DCC: variants seen among roughly 807,000 people sequenced by gnomAD.
DCC encodes DCC netrin 1 receptor, also known as netrin receptor DCC.
Under a neutral mutation model 172.5 loss-of-function variants are expected in DCC, and 58 were observed. The observed-to-expected ratio is 0.34, with a 90% CI of 0.27 to 0.42. DCC has a LOEUF of 0.42. DCC is among the 10% of genes least tolerant of loss of function. The pLI is 1.00. For missense variants in DCC, 1,740 were observed against 1,791.0 expected (o/e 0.97, Z 0.51); for synonymous variants, 709 against 644.5 (o/e 1.10, Z -1.52).
At chr18:52,519,038 G>C (rs572308229) in intron 1 of DCC, among the ~76,000 whole-genome samples, 1 of 152,274 alleles carries the variant, frequency 6.6e-6, no homozygotes, top group Admixed American at 6.5e-5. Context: ...GCTAATTATA[G>C]TTTTGGATAA....
At chr18:52,846,621 A>G (rs1316213858) in intron 2 of DCC, among the ~76,000 whole-genome samples, 1 of 115,630 alleles carries the variant, frequency 8.6e-6, no homozygotes, top group African/African-American at 3.0e-5. Flanking sequence ...ACACACACAC[A>G]CACACACACA....
chr18:53,508,009 T>C (rs2046203625), intron 27 of DCC, among the ~76,000 whole-genome samples: 1 of 24,514 alleles, frequency 4.1e-5, no homozygotes, highest in Non-Finnish European at 8.0e-5. Flanking sequence ...TTCTCCTGCC[T>C]CAGCCTCCCG....
chr18:52,660,580 C>T (rs942658198), intron 1 of DCC, among the ~76,000 whole-genome samples: 8 of 152,154 alleles, frequency 5.3e-5, no homozygotes, highest in Non-Finnish European at 1.5e-5. Context: ...ACTGAGACTG[C>T]AGTCACAAAC....
At chr18:52,544,935 T>C (rs1452043565) in intron 1 of DCC, among the ~76,000 whole-genome samples, 2 of 152,216 alleles carry the variant, frequency 1.3e-5, no homozygotes, top group African/African-American at 4.8e-5. Flanking sequence ...AATACTGCAC[T>C]GTATTATGCC....
At chr18:53,406,146 G>A (rs901817435) in intron 19 of DCC, among the ~76,000 whole-genome samples, 2 of 152,148 alleles carry the variant, frequency 1.3e-5, no homozygotes, top group Non-Finnish European at 2.9e-5. Context: ...GTCTTTCAGA[G>A]ATTGTTTCCT....
chr18:53,181,902 T>C (rs1312143015), intron 9 of DCC, among the ~76,000 whole-genome samples: 2 of 152,210 alleles, frequency 1.3e-5, no homozygotes, highest in Non-Finnish European at 2.9e-5. Context: ...GGCTGCAGCA[T>C]ATTACCTAGT....
intron 5 of DCC, among the ~76,000 whole-genome samples, chr18:52,992,380 C>G (rs1354430294): frequency 2.6e-5 from 4 of 152,156 alleles, no homozygotes; most frequent in Non-Finnish European, 5.9e-5. Context: ...GTCTCATCCT[C>G]TAGAAGTGCT....
At chr18:53,045,279 A>G (rs2042222074) in intron 5 of DCC, among the ~76,000 whole-genome samples, 1 of 151,912 alleles carries the variant, frequency 6.6e-6, no homozygotes, top group Non-Finnish European at 1.5e-5. Flanking sequence ...ATGAGATTTT[A>G]AGCATAAGAG....
At position 52,648,586 on chromosome 18, in the gene DCC, TAA is replaced by T. The variant is rs1282458544; in HGVS notation, c.92-103467_92-103466del. On this transcript the variant is annotated intron_variant, in intron 1 of 28. Coordinates refer to ENST00000442544, the MANE Select transcript of DCC (RefSeq NM_005215.4). ...AGCCAGAGAAAAAGGACATCAGTCC[TAA>T]GACTGTTAGTGGCTGTGCCAAAATC... Among the ~76,000 whole-genome samples the T allele has an allele frequency of 3.3e-5, 5 of 152,352 alleles. No individual in the cohort carries two copies. In the South Asian group the frequency reaches 8.3e-4, roughly 25 times the overall value.
chr18:52,834,031 T>C (rs879467246), intron 2 of DCC, among the ~76,000 whole-genome samples: 1 of 152,116 alleles, frequency 6.6e-6, no homozygotes, highest in African/African-American at 2.4e-5. Flanking sequence ...CTTGGGTACA[T>C]ACACAGCAGC....
At chr18:52,821,291 A>G (rs2038403076) in intron 2 of DCC, among the ~76,000 whole-genome samples, 1 of 152,034 alleles carries the variant, frequency 6.6e-6, no homozygotes, top group Admixed American at 6.6e-5. Context: ...TACATTCCAC[A>G]TGCCCTCCCC....
intron 7 of DCC, among the ~76,000 whole-genome samples, chr18:53,123,285 T>C (rs968872092): frequency 1.7e-4 from 26 of 151,856 alleles, no homozygotes; most frequent in African/African-American, 6.0e-4. Flanking sequence ...CTGGGCGAAG[T>C]TGGGGGATGG....
chr18:53,316,756 T>C (rs751848065), intron 13 of DCC, among the ~76,000 whole-genome samples: 15 of 151,376 alleles, frequency 9.9e-5, no homozygotes, highest in Non-Finnish European at 2.1e-4. Context: ...TAGGCTATTA[T>C]CGGTGTATAG....
intron 5 of DCC, among the ~76,000 whole-genome samples, chr18:52,928,468 C>T (rs192459879): frequency 1.6e-4 from 25 of 152,152 alleles, no homozygotes; most frequent in African/African-American, 5.1e-4. Flanking sequence ...CATAAATTAA[C>T]GTAATATAAT....
intron 7 of DCC, among the ~76,000 whole-genome samples, chr18:53,068,608 C>T (rs2042607412): frequency 6.6e-6 from 1 of 151,974 alleles, no homozygotes; most frequent in South Asian, 2.1e-4. Context: ...ATGTATCCTC[C>T]TAGCACTTGG....
intron 2 of DCC, among the ~76,000 whole-genome samples, chr18:52,887,365 T>G (rs914289889): frequency 6.6e-6 from 1 of 152,142 alleles, no homozygotes; most frequent in Non-Finnish European, 1.5e-5. Flanking sequence ...CCAAACATAT[T>G]ATTTTCTATC....
At chr18:52,849,927 T>C (rs2038949518) in intron 2 of DCC, among the ~76,000 whole-genome samples, 1 of 152,144 alleles carries the variant, frequency 6.6e-6, no homozygotes, top group African/African-American at 2.4e-5. Flanking sequence ...TAATGTCTTA[T>C]AAGCCACGAC....
intron 5 of DCC, among the ~76,000 whole-genome samples, chr18:53,011,874 C>T (rs983326335): frequency 2.6e-5 from 4 of 151,524 alleles, no homozygotes; most frequent in Non-Finnish European, 4.4e-5. Context: ...TAAGCTATAA[C>T]TTTATAAATA....
At chr18:52,788,191 C>T (rs531142478) in intron 2 of DCC, among the ~76,000 whole-genome samples, 3 of 152,200 alleles carry the variant, frequency 2.0e-5, no homozygotes, top group Non-Finnish European at 4.4e-5. Context: ...GATAATCCCT[C>T]ATCCCTGGGC....
Sources: gnomAD v4.1 joint callset for allele counts (sites outside exome capture counted in the v4.1 genomes callset) on GRCh38, gnomAD v4.1.1 for gene constraint, MANE v1.5 for transcripts, NCBI Gene and HGNC (gene_info 2026-07-23, HGNC 2026-07-21) for gene names.